Variants in WDR59 observed in about 807,000 individuals in gnomAD.
WDR59 encodes the protein GATOR2 complex protein WDR59.
WDR59 carries 100 observed loss-of-function variants against 131.2 expected under a neutral mutation model. The observed-to-expected ratio is 0.76, with a 90% CI of 0.65 to 0.90. The LOEUF is 0.90. Ranked by LOEUF, WDR59 falls within the 40% of genes least tolerant of loss-of-function variation. WDR59 has a pLI of 0.00. For synonymous variants in WDR59, 601 were observed against 466.2 expected (o/e 1.29, Z -3.72); for missense variants, 1,203 against 1,262.2 (o/e 0.95, Z 0.71).
At chr16:74,929,896 G>A (rs919152000) in intron 8 of WDR59, among the ~76,000 whole-genome samples, 1 of 152,206 alleles carries the variant, frequency 6.6e-6, no homozygotes, top group Non-Finnish European at 1.5e-5. Flanking sequence ...GAAGGAACTA[G>A]AGGACATTAT....
At chr16:74,949,172 A>T (rs1017513718) in intron 5 of WDR59, among the ~76,000 whole-genome samples, 2 of 151,808 alleles carry the variant, frequency 1.3e-5, no homozygotes, top group African/African-American at 4.8e-5. Flanking sequence ...AAAAAATAAA[A>T]AAATAAAAAT....
At chr16:74,954,556 A>T (rs562602158) in intron 3 of WDR59, among the ~76,000 whole-genome samples, 48 of 152,360 alleles carry the variant, frequency 3.2e-4, no homozygotes, top group Admixed American at 2.2e-3. Flanking sequence ...ATGGGAGTAT[A>T]AAAGGTTTAG....
intron 2 of WDR59, among the ~76,000 whole-genome samples, chr16:74,958,861 G>A (rs952301290): frequency 2.0e-5 from 3 of 151,634 alleles, no homozygotes; most frequent in Non-Finnish European, 4.4e-5. Context: ...TCAGGAGTTC[G>A]AGACTAGCCC....
chr16:74,908,415 T>G lies in WDR59; in HGVS notation c.1712+493A>C, dbSNP rs538546997. On this transcript the variant is annotated intron_variant, in intron 17 of 25. Transcript: ENST00000262144. ...CTGGGTGACAGAGCCAGATCCTGTC[T>G]CAAAAAAAGAAAAAAGAAAAAAACT... is the stretch of plus-strand genomic sequence containing the variant. Among the ~76,000 whole-genome samples, 10 of 151,910 alleles carry G rather than the reference T, an allele frequency of 6.6e-5. No individual in the cohort carries two copies. In the South Asian group the frequency reaches 2.1e-3, roughly 32 times the overall value.
rs549193175 is a variant in WDR59 at position 74,910,698 on chromosome 16, C to T, written c.1390-781G>A. Among the ~76,000 whole-genome samples, 11 of 152,270 alleles carry T rather than the reference C, an allele frequency of 7.2e-5. No homozygotes were observed. In the South Asian group the frequency reaches 1.4e-3, roughly 20 times the overall value. ...TCCTAACACTTTAAACCCATTTATG[C>T]CTAATGTTCCATTATTGGAACACTA... On this transcript the variant is annotated intron_variant, in intron 14 of 25. Coordinates refer to ENST00000262144, the MANE Select transcript of WDR59 (RefSeq NM_030581.4).
chr16:74,887,997 A>G (rs1404443559), intron 22 of WDR59, among the ~76,000 whole-genome samples, 172 bp downstream of exon 22: 1 of 152,048 alleles, frequency 6.6e-6, no homozygotes, highest in Non-Finnish European at 1.5e-5. Flanking sequence ...GCATGCCTGT[A>G]ATCCCAGCTA....
chr16:74,957,679 T>C (rs2033359344), intron 2 of WDR59, among the ~76,000 whole-genome samples: 2 of 152,218 alleles, frequency 1.3e-5, no homozygotes, highest in African/African-American at 4.8e-5. Context: ...CCTATTTTCT[T>C]TTTAAGTAAA....
At chr16:74,916,329 G>C in intron 11 of WDR59, 70 bp from the exon 12 acceptor site, 1 of 1,593,252 alleles carries the variant, frequency 6.3e-7, no homozygotes. Context: ...TGATTAAAGA[G>C]TTCTGACTTA....
At chr16:74,932,208 C>T (rs1400429302) in intron 8 of WDR59, among the ~76,000 whole-genome samples, 1 of 151,366 alleles carries the variant, frequency 6.6e-6, no homozygotes, top group African/African-American at 2.4e-5. Context: ...ATCCTCCTGC[C>T]TTAGCTTCCT....
intron 1 of WDR59, among the ~76,000 whole-genome samples, chr16:74,980,300 A>G (rs1415997678): frequency 6.6e-6 from 1 of 152,052 alleles, no homozygotes; most frequent in Non-Finnish European, 1.5e-5. Context: ...ACTTTTATAA[A>G]CTATAAAAAA....
intron 1 of WDR59, among the ~76,000 whole-genome samples, chr16:74,967,746 C>T (rs929829361): frequency 6.6e-6 from 1 of 151,630 alleles, no homozygotes; most frequent in African/African-American, 2.4e-5. Flanking sequence ...GTAATCCCAG[C>T]TACTCAGGAG....
At chr16:74,886,010 G>A in intron 24 of WDR59, 1 of 665,820 alleles carries the variant, frequency 1.5e-6, no homozygotes, top group Non-Finnish European at 2.4e-6. Context: ...AACCCTGTCT[G>A]TACTAAAAAT....
Position 74,872,555 on chromosome 16 carries a change from GTCTC to G in WDR59, c.*1650_*1653del, listed in dbSNP as rs1310316795. On this transcript the variant is annotated 3_prime_UTR_variant, in exon 26 of 26. Transcript: ENST00000262144. The stretch of plus-strand genomic sequence containing the variant: ...AGTCTGGGTGACAGAGTGAGACCCT[GTCTC>G]TCTCTCTAAAAAAAAAAAAAAAAAA... 1 of 144,010 alleles carries G rather than the reference GTCTC, an allele frequency of 6.9e-6. No individual in the cohort carries two copies. Among genetic ancestry groups the G allele is most frequent in the Non-Finnish European group, 1.5e-5 (1 of 66,582 alleles). 8.9% of individuals were successfully genotyped at this position (144,010 alleles called of 1,614,324 possible).
intron 7 of WDR59, among the ~76,000 whole-genome samples, chr16:74,939,019 A>G (rs1464052869): frequency 6.6e-6 from 1 of 152,006 alleles, no homozygotes; most frequent in Non-Finnish European, 1.5e-5. Flanking sequence ...AAAACAATAC[A>G]TGATTAATAA....
chr16:74,977,158 A>G (rs1350242471), intron 1 of WDR59, among the ~76,000 whole-genome samples: 1 of 152,024 alleles, frequency 6.6e-6, no homozygotes, highest in Non-Finnish European at 1.5e-5. Flanking sequence ...ATCATTTGAG[A>G]CCAGGAGTTC....
At chr16:74,963,950 A>G (rs2033665119) in intron 2 of WDR59, among the ~76,000 whole-genome samples, 1 of 151,606 alleles carries the variant, frequency 6.6e-6, no homozygotes, top group Non-Finnish European at 1.5e-5. Flanking sequence ...AGAATATGAA[A>G]TGAGGCCAAG....
intron 25 of WDR59, among the ~76,000 whole-genome samples, chr16:74,877,532 T>C (rs556111202): frequency 2.0e-5 from 3 of 152,306 alleles, no homozygotes; most frequent in African/African-American, 4.8e-5. Context: ...TGTTTATTTA[T>C]TGATTGATTG....
chr16:74,972,952 G>A (rs2034047324), intron 1 of WDR59, among the ~76,000 whole-genome samples: 1 of 151,624 alleles, frequency 6.6e-6, no homozygotes, highest in South Asian at 2.1e-4. Flanking sequence ...TTAGATATTG[G>A]CCAGGCACGG....
intron 1 of WDR59, among the ~76,000 whole-genome samples, chr16:74,971,074 AG>A (rs1317596433): frequency 6.6e-6 from 1 of 152,076 alleles, no homozygotes. Context: ...AAAAGATGGT[AG>A]GTCAGAACCA....
Sources: allele counts gnomAD v4.1 joint callset (sites outside exome capture counted in the v4.1 genomes callset), GRCh38; gene constraint gnomAD v4.1.1; transcripts MANE v1.5; gene names NCBI Gene and HGNC (gene_info 2026-07-23, HGNC 2026-07-21).